The following VWA8 variants were observed in gnomAD, a reference collection of about 807,000 sequenced individuals.
VWA8 encodes von Willebrand factor A domain-containing protein 8.
VWA8 carries 221 observed loss-of-function variants against 241.5 expected under a neutral mutation model. That is an observed-to-expected ratio of 0.91 (90% CI 0.82 to 1.02). The LOEUF (loss-of-function observed/expected upper bound fraction) is 1.02, where lower values mean the gene tolerates loss of function less well. Among genes scored for constraint, VWA8 ranks in the 50% least tolerant of loss-of-function variants. The pLI is 0.00. For synonymous variants in VWA8, 852 were observed against 827.1 expected, an observed-to-expected ratio of 1.03 and a Z score of -0.52; for missense variants, 2,322 against 2,328.7, an observed-to-expected ratio of 1.00 and a Z score of 0.06.
intron 12 of VWA8, among the ~76,000 whole-genome samples, chr13:41,839,410 T>C (rs1332630826): frequency 2.0e-5 from 3 of 152,214 alleles, no homozygotes; most frequent in East Asian, 1.9e-4. Context: ...GATGGATAGA[T>C]TGCAAAAATT....
chr13:41,743,438 C>T (rs567845754), intron 21 of VWA8, among the ~76,000 whole-genome samples: 1 of 152,264 alleles, frequency 6.6e-6, no homozygotes, highest in South Asian at 2.1e-4. Flanking sequence ...TGTCACTTGA[C>T]CAAATTCTTA....
At chr13:41,786,908 T>C (rs1218178318) in intron 18 of VWA8, among the ~76,000 whole-genome samples, 1 of 152,022 alleles carries the variant, frequency 6.6e-6, no homozygotes, top group East Asian at 1.9e-4. Context: ...CTGAAAATTA[T>C]ATTTATGGCT....
chr13:41,691,219 A>T (rs2045174683), intron 32 of VWA8, 101 bp downstream of exon 32: 12 of 1,384,120 alleles, frequency 8.7e-6, no homozygotes, highest in Non-Finnish European at 1.1e-5. Flanking sequence ...AAATTGTTAA[A>T]GGACAGACAC....
intron 36 of VWA8, 146 bp downstream of exon 36, chr13:41,675,069 G>C: frequency 1.8e-6 from 1 of 550,932 alleles, no homozygotes; most frequent in Non-Finnish European, 3.2e-6. Flanking sequence ...CAGAAGAACA[G>C]CAAGATAGAA....
intron 9 of VWA8, among the ~76,000 whole-genome samples, chr13:41,869,354 C>G (rs1412211745): frequency 1.3e-5 from 2 of 152,018 alleles, no homozygotes; most frequent in African/African-American, 4.8e-5. Flanking sequence ...GCTAGAACCA[C>G]CAGGCACAGT....
At chr13:41,651,132 C>T (rs867684931) in intron 37 of VWA8, among the ~76,000 whole-genome samples, 4 of 151,872 alleles carry the variant, frequency 2.6e-5, no homozygotes, top group African/African-American at 9.7e-5. Context: ...CAAAGCCACA[C>T]ACCTACAGCC....
At chr13:41,819,934 A>T (rs535163027) in intron 14 of VWA8, among the ~76,000 whole-genome samples, 1 of 152,346 alleles carries the variant, frequency 6.6e-6, no homozygotes, top group South Asian at 2.1e-4. Context: ...CAGAGAAAAT[A>T]AAACCTTTAT....
At chr13:41,833,324 C>CA (rs1443785084) in intron 13 of VWA8, 47 bp downstream of exon 13, 1 of 1,544,088 alleles carries the variant, frequency 6.5e-7, no homozygotes, top group African/African-American at 1.4e-5. Flanking sequence ...CTGCTTAAGT[C>CA]AGAGTGGGGT....
chr13:41,621,513 C>T (rs1159854041), intron 37 of VWA8, among the ~76,000 whole-genome samples: 1 of 152,150 alleles, frequency 6.6e-6, no homozygotes, highest in Non-Finnish European at 1.5e-5. Context: ...AACACCATTC[C>T]TCACTTTGTG....
intron 1 of VWA8, among the ~76,000 whole-genome samples, chr13:41,951,527 G>A (rs187966989): frequency 7.2e-5 from 11 of 152,164 alleles, no homozygotes; most frequent in Admixed American, 4.6e-4. Flanking sequence ...CTTAATTTCC[G>A]AGTGATCTTC....
At chr13:41,838,684 T>C (rs1032993908) in intron 12 of VWA8, among the ~76,000 whole-genome samples, 13 of 152,086 alleles carry the variant, frequency 8.5e-5, no homozygotes, top group Non-Finnish European at 1.6e-4. Context: ...ATGCAAAATA[T>C]ATCTGAACAG....
chr13:41,581,383 C>T (rs1464386283), intron 42 of VWA8, among the ~76,000 whole-genome samples: 1 of 152,184 alleles, frequency 6.6e-6, no homozygotes, highest in East Asian at 1.9e-4. Flanking sequence ...AATAATAATC[C>T]AGTACATTAC....
intron 1 of VWA8, among the ~76,000 whole-genome samples, chr13:41,953,964 A>G (rs1878248698): frequency 6.6e-6 from 1 of 152,238 alleles, no homozygotes; most frequent in Non-Finnish European, 1.5e-5. Context: ...AAAATCCAAA[A>G]AATAAATCAC....
intron 37 of VWA8, among the ~76,000 whole-genome samples, chr13:41,626,756 A>G (rs1260324279): frequency 6.6e-6 from 1 of 152,238 alleles, no homozygotes; most frequent in Non-Finnish European, 1.5e-5. Flanking sequence ...TTCACCACAT[A>G]CAAAAATCAA....
intron 20 of VWA8, among the ~76,000 whole-genome samples, chr13:41,763,898 C>T (rs2137910351): frequency 6.6e-6 from 1 of 152,192 alleles, no homozygotes; most frequent in East Asian, 1.9e-4. Flanking sequence ...ATGTGGAGTC[C>T]CAGCTGCCAC....
At chr13:41,784,697 C>CATATATACATATAT (rs1869066341) in intron 18 of VWA8, among the ~76,000 whole-genome samples, 1 of 57,022 alleles carries the variant, frequency 1.8e-5, no homozygotes, top group Non-Finnish European at 3.7e-5. Context: ...TATACATATA[C>CATATATACATATAT]ATATATATAT....
intron 43 of VWA8, among the ~76,000 whole-genome samples, chr13:41,572,507 A>C (rs2044314443): frequency 6.6e-6 from 1 of 152,120 alleles, no homozygotes; most frequent in Non-Finnish European, 1.5e-5. Flanking sequence ...CAACCCCATG[A>C]TCTCTGAAAC....
rs1869100487 is a variant in VWA8, at chr13:41,784,745, T to TATATATACACACAC, written c.2171-845_2171-844insGTGTGTGTATATAT. Among the ~76,000 whole-genome samples, 4 of 102,266 alleles carry TATATATACACACAC rather than the reference T, an allele frequency of 3.9e-5. 1 individual carries two copies. Among genetic ancestry groups the TATATATACACACAC allele is most frequent in the African/African-American group, 1.3e-4 (4 of 29,726 alleles). The allele number at this position is 102,266 out of a possible 152,430, so 67.1% of individuals were successfully genotyped here. ...ATATATATATACACACACATATATA[T>TATATATACACACAC]ATATATATATATATATACACACACA... On this transcript the variant is annotated intron_variant, in intron 18 of 44. Coordinates refer to ENST00000379310, the MANE Select transcript of VWA8 (RefSeq NM_015058.2).
intron 9 of VWA8, among the ~76,000 whole-genome samples, chr13:41,881,372 CGGGGGGG>C (rs756711531): frequency 0.093 from 776 of 8,316 alleles, 103 homozygotes; most frequent in South Asian, 0.17. Context: ...TTTTTTTTGC[CGGGGGGG>C]GGGGGGGGGG....
Sources: gnomAD v4.1 joint callset for allele counts (sites outside exome capture counted in the v4.1 genomes callset) on GRCh38, gnomAD v4.1.1 for gene constraint, MANE v1.5 for transcripts, NCBI Gene and HGNC (gene_info 2026-07-23, HGNC 2026-07-21) for gene names.